The following SMIM31 variants were observed in gnomAD, a reference collection of about 807,000 sequenced individuals.
SMIM31 encodes human epithelial cell program regulator.
chr4:164,799,996 T>A (rs1733261990), intron 2 of SMIM31, among the ~76,000 whole-genome samples: 1 of 152,184 alleles, frequency 6.6e-6, no homozygotes, highest in Non-Finnish European at 1.5e-5. Context: ...CACAACCCCT[T>A]TAAAACATTT....
chr4:164,796,715 G>A (rs62353564), intron 2 of SMIM31, among the ~76,000 whole-genome samples: 28,305 of 152,032 alleles, frequency 0.19, 2,919 homozygotes, highest in South Asian at 0.27. Context: ...TATCCAAACT[G>A]TCAGCAAATC....
intron 1 of SMIM31, among the ~76,000 whole-genome samples, chr4:164,766,069 T>G (rs17486051): frequency 0.44 from 67,316 of 152,018 alleles, 16,220 homozygotes; most frequent in Admixed American, 0.54. Flanking sequence ...CAGTGAGCTC[T>G]GTCAGCAGCC....
chr4:164,768,237 A>C (rs1198568695), intron 1 of SMIM31, among the ~76,000 whole-genome samples: 16 of 104,754 alleles, frequency 1.5e-4, no homozygotes, highest in African/African-American at 4.9e-4. Flanking sequence ...CTTTGTCACA[A>C]AAAAAAAAAA....
At chr4:164,774,091 G>A (rs1165620110) in intron 2 of SMIM31, among the ~76,000 whole-genome samples, 1 of 151,680 alleles carries the variant, frequency 6.6e-6, no homozygotes, top group Non-Finnish European at 1.5e-5. Flanking sequence ...GCATGAACCC[G>A]GGAGGTGGAG....
At chr4:164,761,977 T>G (rs1732656465) in intron 1 of SMIM31, among the ~76,000 whole-genome samples, 1 of 151,900 alleles carries the variant, frequency 6.6e-6, no homozygotes, top group African/African-American at 2.4e-5. Context: ...AGGTCTCTGA[T>G]GCTTTGCGTT....
chr4:164,785,749 C>CATAT (rs35263608), intron 2 of SMIM31, among the ~76,000 whole-genome samples: 3 of 149,290 alleles, frequency 2.0e-5, no homozygotes, highest in South Asian at 2.1e-4. Flanking sequence ...TGTGTATGCA[C>CATAT]ATATATATAT....
At chr4:164,762,146 C>A (rs1489934370) in intron 1 of SMIM31, among the ~76,000 whole-genome samples, 2 of 152,044 alleles carry the variant, frequency 1.3e-5, no homozygotes, top group African/African-American at 4.8e-5. Context: ...AAACTGCTTG[C>A]AACTTTAAAT....
intron 1 of SMIM31, among the ~76,000 whole-genome samples, chr4:164,757,031 A>G (rs954642097): frequency 6.6e-6 from 1 of 152,132 alleles, no homozygotes; most frequent in Non-Finnish European, 1.5e-5. Context: ...TCATTTTAAC[A>G]CCCTAACATT....
chr4:164,796,365 C>A (rs1733195222), intron 2 of SMIM31, among the ~76,000 whole-genome samples: 1 of 152,188 alleles, frequency 6.6e-6, no homozygotes, highest in Non-Finnish European at 1.5e-5. Flanking sequence ...CCCTCTACCT[C>A]CCCTATCAGT....
At position 164,801,925 on chromosome 4, in the gene SMIM31, AT is replaced by A. The variant is rs748679632; in HGVS notation, c.*744del. ...AAGTTGAAAGTTTTCTGTTATTTAT[AT>A]TTTTTTTTTTTTAATTTGAGAGAGA... On this transcript the variant is annotated 3_prime_UTR_variant, in exon 3 of 3. Coordinates refer to ENST00000507311, the MANE Select transcript of SMIM31 (RefSeq NM_001352885.1). 0.061 allele frequency: 8,858 copies of A among 146,296 alleles called. 279 individuals carry two copies. Among genetic ancestry groups the A allele is most frequent in the Non-Finnish European group, 0.081 (5,357 of 66,100 alleles). The allele number at this position is 146,296 out of a possible 1,614,324, so 9.1% of individuals were successfully genotyped here.
chr4:164,798,713 C>T (rs1733241525), intron 2 of SMIM31, among the ~76,000 whole-genome samples: 1 of 149,734 alleles, frequency 6.7e-6, no homozygotes, highest in Non-Finnish European at 1.5e-5. Context: ...ATGTAAACTG[C>T]AGTCTGAGGG....
intron 1 of SMIM31, among the ~76,000 whole-genome samples, chr4:164,762,662 C>CAAA (rs1162067333): frequency 3.8e-4 from 38 of 100,040 alleles, no homozygotes; most frequent in African/African-American, 1.0e-3. Context: ...GACTCTGTCT[C>CAAA]AAAAAAAAAA....
At chr4:164,792,959 A>G (rs1242749123) in intron 2 of SMIM31, among the ~76,000 whole-genome samples, 1 of 152,192 alleles carries the variant, frequency 6.6e-6, no homozygotes, top group African/African-American at 2.4e-5. Flanking sequence ...AGCTCATTCA[A>G]TTTCAAAAGG....
chr4:164,776,187 C>G (rs1466441186), intron 2 of SMIM31, among the ~76,000 whole-genome samples: 2 of 152,158 alleles, frequency 1.3e-5, no homozygotes, highest in Non-Finnish European at 2.9e-5. Flanking sequence ...TTTAATCAGT[C>G]TAACCCAAAA....
At chr4:164,772,718 A>G (rs1221087994) in intron 2 of SMIM31, among the ~76,000 whole-genome samples, 16 of 151,490 alleles carry the variant, frequency 1.1e-4, no homozygotes, top group Non-Finnish European at 1.8e-4. Context: ...AGCTGGGACT[A>G]CAGGCGCCCG....
chr4:164,797,611 G>A (rs928046692), intron 2 of SMIM31, among the ~76,000 whole-genome samples: 5 of 151,602 alleles, frequency 3.3e-5, no homozygotes, highest in South Asian at 2.1e-4. Context: ...CTACAGGTGC[G>A]TGCCACCATG....
At chr4:164,791,943 A>G (rs1308391430) in intron 2 of SMIM31, among the ~76,000 whole-genome samples, 2 of 152,188 alleles carry the variant, frequency 1.3e-5, no homozygotes, top group Non-Finnish European at 2.9e-5. Flanking sequence ...AGGTGAGAAC[A>G]TGTGGTATCT....
At chr4:164,755,152 T>A (rs1732540633) in intron 1 of SMIM31, among the ~76,000 whole-genome samples, 1 of 151,594 alleles carries the variant, frequency 6.6e-6, no homozygotes, top group African/African-American at 2.4e-5. Flanking sequence ...AGTGAAGTCG[T>A]ATGATTTAAT....
At chr4:164,773,182 A>G (rs1054521019) in intron 2 of SMIM31, among the ~76,000 whole-genome samples, 38 of 152,284 alleles carry the variant, frequency 2.5e-4, no homozygotes, top group Non-Finnish European at 3.7e-4. Flanking sequence ...GGTAGGAAAA[A>G]ATGGGTGAAC....
Sources: gnomAD v4.1 joint callset for allele counts (sites outside exome capture counted in the v4.1 genomes callset) on GRCh38, gnomAD v4.1.1 for gene constraint, MANE v1.5 for transcripts, NCBI Gene and HGNC (gene_info 2026-07-23, HGNC 2026-07-21) for gene names.